The following LEPR variants were observed in gnomAD, a reference collection of about 807,000 sequenced individuals.
The protein encoded by LEPR is leptin receptor, also known as OB receptor.
In LEPR, 56 loss-of-function variants were observed where a neutral mutation model predicts 114.7. The ratio of observed to expected loss-of-function variants is 0.49; its 90% CI spans 0.39 to 0.61. The LOEUF (loss-of-function observed/expected upper bound fraction) is 0.61, where lower values mean the gene tolerates loss of function less well. Among genes scored for constraint, LEPR ranks in the 20% least tolerant of loss-of-function variants. The probability of loss-of-function intolerance (pLI) is 0.00; values close to 1 mark genes in which losing one functional copy is unlikely to be tolerated. For synonymous variants in LEPR, 443 were observed against 461.4 expected, an observed-to-expected ratio of 0.96 and a Z score of 0.51; for missense variants, 1,202 against 1,352.9, an observed-to-expected ratio of 0.89 and a Z score of 1.75.
chr1:65,480,695 C>T (rs549206723), intron 2 of LEPR, among the ~76,000 whole-genome samples: 15 of 151,922 alleles, frequency 9.9e-5, no homozygotes, highest in African/African-American at 3.6e-4. Context: ...GGATATTTAT[C>T]CCCATTTTAC....
At chr1:65,592,960 A>C in intron 6 of LEPR, 95 bp downstream of exon 6, 105 of 1,335,724 alleles carry the variant, frequency 7.9e-5, no homozygotes, top group Non-Finnish European at 9.9e-5. Flanking sequence ...AGCTTATCTC[A>C]CTTTGCTTAA....
chr1:65,530,082 G>A (rs1409578779), intron 2 of LEPR, among the ~76,000 whole-genome samples: 2 of 152,172 alleles, frequency 1.3e-5, no homozygotes, highest in African/African-American at 4.8e-5. Context: ...CCATTTGGAT[G>A]TCTAGTAGGC....
intron 10 of LEPR, among the ~76,000 whole-genome samples, chr1:65,603,078 C>T (rs1656551634): frequency 6.6e-6 from 1 of 152,082 alleles, no homozygotes; most frequent in Non-Finnish European, 1.5e-5. Flanking sequence ...TTCTTAACTT[C>T]CCTAAGCCTC....
rs556875268 is a variant in LEPR at position 65,600,757 on chromosome 1, G to A, written c.995-635G>A. 1.2e-4 allele frequency among the ~76,000 whole-genome samples: 18 copies of A among 152,028 alleles called. 1 individual carries two copies. The South Asian group carries it at 3.5e-3, about 30-fold the overall frequency. On this transcript the variant is annotated intron_variant, in intron 8 of 19. Coordinates refer to ENST00000349533, the MANE Select transcript of LEPR (RefSeq NM_002303.6). ...AAAAATCATGTTTTAGGAAAATATC[G>A]CTTCCCTTTACCCTCATCCATAGGA...
At chr1:65,423,775 T>G (rs1451604952) in intron 1 of LEPR, among the ~76,000 whole-genome samples, 1 of 152,202 alleles carries the variant, frequency 6.6e-6, no homozygotes. Context: ...TTCATTGGCT[T>G]AATTAATTAG....
At chr1:65,513,930 T>C (rs1649157256) in intron 2 of LEPR, among the ~76,000 whole-genome samples, 1 of 152,228 alleles carries the variant, frequency 6.6e-6, no homozygotes. Flanking sequence ...GATAATTTTG[T>C]AGTTTTTCTT....
intron 3 of LEPR, among the ~76,000 whole-genome samples, chr1:65,566,915 A>G (rs1231858450): frequency 6.6e-6 from 1 of 152,234 alleles, no homozygotes; most frequent in African/African-American, 2.4e-5. Flanking sequence ...GGGACTATCA[A>G]AGAGAAATAA....
chr1:65,452,956 A>C (rs1570475086), intron 2 of LEPR, among the ~76,000 whole-genome samples: 2 of 152,232 alleles, frequency 1.3e-5, no homozygotes, highest in East Asian at 3.9e-4. Context: ...ACAATTTCAG[A>C]TCCTGTTATT....
At chr1:65,595,534 A>G (rs1656007018) in intron 6 of LEPR, among the ~76,000 whole-genome samples, 1 of 152,148 alleles carries the variant, frequency 6.6e-6, no homozygotes. Flanking sequence ...CTTTAAAGTA[A>G]CTGAAATTTA....
chr1:65,530,964 A>G (rs962408682), intron 2 of LEPR, among the ~76,000 whole-genome samples: 6 of 78,026 alleles, frequency 7.7e-5, no homozygotes, highest in African/African-American at 1.4e-4. Context: ...GCCCTCTTCA[A>G]TACATTCTCA....
chr1:65,481,826 A>G (rs2100454404), intron 2 of LEPR, among the ~76,000 whole-genome samples: 1 of 150,914 alleles, frequency 6.6e-6, no homozygotes, highest in Non-Finnish European at 1.5e-5. Flanking sequence ...TGTTACTAAA[A>G]AAAAAAAAAC....
At chr1:65,487,700 TA>T (rs149927064) in intron 2 of LEPR, among the ~76,000 whole-genome samples, 78,161 of 150,356 alleles carry the variant, frequency 0.52, 21,224 homozygotes, top group Middle Eastern at 0.69. Context: ...GGCTTTAAAT[TA>T]AAAAATTTTT....
chr1:65,544,983 A>T (rs1295679875), intron 2 of LEPR, among the ~76,000 whole-genome samples: 1 of 144,914 alleles, frequency 6.9e-6, no homozygotes, highest in African/African-American at 2.6e-5. Context: ...CAGTCCCCAG[A>T]GTGTGATGTT....
At chr1:65,445,968 A>G (rs1646709152) in intron 2 of LEPR, among the ~76,000 whole-genome samples, 2 of 152,166 alleles carry the variant, frequency 1.3e-5, no homozygotes, top group South Asian at 4.1e-4. Context: ...TTAGGATAAA[A>G]TTGTTTTCCA....
At chr1:65,575,510 C>T (rs1309973768) in intron 5 of LEPR, among the ~76,000 whole-genome samples, 1 of 151,246 alleles carries the variant, frequency 6.6e-6, no homozygotes, top group Non-Finnish European at 1.5e-5. Flanking sequence ...TATCATAATT[C>T]ATCAAAATAA....
intron 15 of LEPR, among the ~76,000 whole-genome samples, chr1:65,617,222 GCA>G (rs900093486): frequency 2.0e-5 from 3 of 152,082 alleles, no homozygotes; most frequent in African/African-American, 7.2e-5. Context: ...ATGTCTATTT[GCA>G]AACTGAGAGA....
chr1:65,432,844 C>T, intron 2 of LEPR: 1 of 655,370 alleles, frequency 1.5e-6, no homozygotes. Flanking sequence ...TATTTGAGAT[C>T]ATATGTTAAT....
chr1:65,605,208 C>T lies in LEPR; in HGVS notation c.1574C>T (p.Pro525Leu), dbSNP rs144310304. The T allele has an allele frequency of 5.1e-5, 83 of 1,613,978 alleles. No individual in the cohort carries two copies. Among genetic ancestry groups the T allele is most frequent in the Non-Finnish European group, 6.9e-5 (81 of 1,180,016 alleles). The change falls in exon 11 of 20, where the codon CCA becomes CTA. Residue 525 changes from proline to leucine, a missense_variant. By Grantham distance (98) the Pro-to-Leu change is moderately conservative. Transcript: ENST00000349533. ...INHSLGSLDS[P>L]PTCVLPDSVV... ...CACTCTCTAGGTTCACTTGACTCTC[C>T]ACCAACATGTGTCCTTCCTGATTCT...
intron 2 of LEPR, among the ~76,000 whole-genome samples, chr1:65,428,676 A>G (rs1646426501): frequency 3.3e-5 from 5 of 152,160 alleles, no homozygotes; most frequent in Non-Finnish European, 1.5e-5. Context: ...GTGTGATTAC[A>G]GTATTGTGGT....
Sources: gnomAD v4.1 joint callset for allele counts (sites outside exome capture counted in the v4.1 genomes callset) on GRCh38, gnomAD v4.1.1 for gene constraint, MANE v1.5 for transcripts, NCBI Gene and HGNC (gene_info 2026-07-23, HGNC 2026-07-21) for gene names.